ACSM3: variants seen among roughly 807,000 people sequenced by gnomAD.
ACSM3 encodes the protein acyl-coenzyme A synthetase ACSM3, mitochondrial.
Under a neutral mutation model 74.1 loss-of-function variants are expected in ACSM3, and 61 were observed. That is an observed-to-expected ratio of 0.82 (90% CI 0.67 to 1.02). ACSM3 has a LOEUF of 1.02. Among genes scored for constraint, ACSM3 ranks in the 50% least tolerant of loss-of-function variants. ACSM3 has a pLI of 0.00. For synonymous variants in ACSM3, 213 were observed against 241.5 expected, an observed-to-expected ratio of 0.88 and a Z score of 1.09; for missense variants, 660 against 697.0, an observed-to-expected ratio of 0.95 and a Z score of 0.60.
chr16:20,716,958 AC>A (rs1317511275), intron 1 of ACSM3, among the ~76,000 whole-genome samples: 1 of 152,218 alleles, frequency 6.6e-6, no homozygotes, highest in Non-Finnish European at 1.5e-5. Flanking sequence ...GGATTTAGTA[AC>A]CCAAATACAA....
At chr16:20,721,790 T>C (rs1039686565) in intron 1 of ACSM3, 1 of 152,184 alleles carries the variant, frequency 6.6e-6, no homozygotes, top group African/African-American at 2.4e-5. Context: ...GGTTGCTGCA[T>C]TAGTATCAGC....
At chr16:20,752,204 T>G (rs77228790) in intron 2 of ACSM3, among the ~76,000 whole-genome samples, 6 of 151,236 alleles carry the variant, frequency 4.0e-5, no homozygotes, top group Admixed American at 2.6e-4. Flanking sequence ...AAAAAAAAAG[T>G]GGTCATTCTC....
At chr16:20,699,416 C>T (rs1180885838) in intron 1 of ACSM3, among the ~76,000 whole-genome samples, 2 of 152,142 alleles carry the variant, frequency 1.3e-5, no homozygotes. Context: ...CCAGGACATT[C>T]CTGACAGGAC....
At chr16:20,741,030 A>G (rs2079914517) in intron 1 of ACSM3, among the ~76,000 whole-genome samples, 1 of 152,116 alleles carries the variant, frequency 6.6e-6, no homozygotes, top group Non-Finnish European at 1.5e-5. Context: ...CTTGAGAGGC[A>G]GAGACGGGAG....
At chr16:20,766,435 T>C (rs2080126504) in intron 1 of ACSM3, among the ~76,000 whole-genome samples, 1 of 152,086 alleles carries the variant, frequency 6.6e-6, no homozygotes, top group South Asian at 2.1e-4. Context: ...CGTGTTTGTG[T>C]ATATTTCCTT....
At chr16:20,722,761 T>C (rs908528301) in intron 1 of ACSM3, among the ~76,000 whole-genome samples, 4 of 152,204 alleles carry the variant, frequency 2.6e-5, no homozygotes, top group Admixed American at 2.6e-4. Context: ...TGTTCTCAAA[T>C]TCACTTGCTG....
At chr16:20,755,335 G>C (rs1019196350) in intron 2 of ACSM3, among the ~76,000 whole-genome samples, 1 of 152,180 alleles carries the variant, frequency 6.6e-6, no homozygotes, top group Non-Finnish European at 1.5e-5. Flanking sequence ...TGCTAACACT[G>C]AGATGACAGA....
chr16:20,743,294 A>G (rs2152426113), intron 1 of ACSM3, among the ~76,000 whole-genome samples: 1 of 152,162 alleles, frequency 6.6e-6, no homozygotes, highest in African/African-American at 2.4e-5. Flanking sequence ...GTTACTCAAA[A>G]GGCTTCCAGT....
At chr16:20,690,628 A>G (rs1169070098) in intron 1 of ACSM3, among the ~76,000 whole-genome samples, 6 of 152,202 alleles carry the variant, frequency 3.9e-5, no homozygotes, top group African/African-American at 1.2e-4. Context: ...TGACATGAAT[A>G]CCAGTTAAGA....
chr16:20,759,994 G>C (rs956710779), upstream of ACSM3, among the ~76,000 whole-genome samples: 1 of 152,128 alleles, frequency 6.6e-6, no homozygotes, highest in Admixed American at 6.6e-5. Flanking sequence ...AAGCCAGTAG[G>C]GGCAGCTACA....
At chr16:20,710,007 A>G (rs1008558594) in intron 1 of ACSM3, among the ~76,000 whole-genome samples, 2 of 152,186 alleles carry the variant, frequency 1.3e-5, no homozygotes, top group Non-Finnish European at 2.9e-5. Flanking sequence ...AATACTATAT[A>G]TACACTCCAC....
Position 20,797,331 on chromosome 16 carries a change from T to A in ACSM3, c.*359T>A. ...ATGTTGATATACAAATCAGAACCAATGTTCAAGCCTGAAATAAAACTAAAG... is the reference window on the plus strand; with the variant it reads ...ATGTTGATATACAAATCAGAACCAAAGTTCAAGCCTGAAATAAAACTAAAG... On this transcript the variant is annotated 3_prime_UTR_variant, in exon 14 of 14. Coordinates refer to ENST00000289416, the MANE Select transcript of ACSM3 (RefSeq NM_005622.4). 9.9e-7 allele frequency: 1 copy of A among 1,008,376 alleles called. No individual in the cohort carries two copies. Among genetic ancestry groups the A allele is most frequent in the Non-Finnish European group, 1.2e-6 (1 of 845,532 alleles). The allele number at this position is 1,008,376 out of a possible 1,614,324, so 62.5% of individuals were successfully genotyped here. A position where few individuals can be genotyped will look rare whatever the true frequency, so the allele number is the denominator to read the frequency against.
intron 4 of ACSM3, among the ~76,000 whole-genome samples, chr16:20,778,769 T>C (rs1030344332): frequency 5.3e-5 from 8 of 151,916 alleles, no homozygotes; most frequent in African/African-American, 1.9e-4. Flanking sequence ...TTTTTTTTTT[T>C]AGACGGAGTC....
intron 1 of ACSM3, among the ~76,000 whole-genome samples, chr16:20,712,369 C>T (rs1033836985): frequency 6.6e-6 from 1 of 152,130 alleles, no homozygotes; most frequent in Non-Finnish European, 1.5e-5. Flanking sequence ...ATTGATCTTC[C>T]TATCCTCAGT....
intron 4 of ACSM3, 176 bp from the exon 5 acceptor site, chr16:20,780,538 A>G: frequency 7.5e-7 from 1 of 1,329,150 alleles, no homozygotes; most frequent in Non-Finnish European, 1.0e-6. Context: ...TTGATTCTAG[A>G]AAGCACCTAA....
intron 9 of ACSM3, chr16:20,789,423 C>A: frequency 7.8e-7 from 1 of 1,286,678 alleles, no homozygotes; most frequent in Non-Finnish European, 1.1e-6. Flanking sequence ...GTAGACACTT[C>A]AGGGAATGAT....
chr16:20,742,940 AT>A (rs1218181518), intron 1 of ACSM3, among the ~76,000 whole-genome samples: 6,891 of 121,598 alleles, frequency 0.057, 405 homozygotes, highest in African/African-American at 0.19. Context: ...ATGTTTGTCT[AT>A]TTTTTTTTTT....
At chr16:20,707,731 G>C (rs2079731956) in intron 1 of ACSM3, among the ~76,000 whole-genome samples, 1 of 152,176 alleles carries the variant, frequency 6.6e-6, no homozygotes, top group African/African-American at 2.4e-5. Context: ...GAACTGTTAA[G>C]GGAACTTAAC....
Position 20,790,745 on chromosome 16 carries a change from A to C in ACSM3, c.1326+57A>C. 1 of 1,613,702 alleles carries C rather than the reference A, an allele frequency of 6.2e-7. No individual in the cohort carries two copies. Among genetic ancestry groups the C allele is most frequent in the Non-Finnish European group, 8.5e-7 (1 of 1,179,660 alleles). ...ATTTATTTCTCAAGTGCTTGGTAAC[A>C]ATCCCTGTTTGCCACAAAACATACC... On this transcript the variant is annotated intron_variant, in intron 10 of 13. Transcript: ENST00000289416. This position sits in a 1 kb window ranked among gnomAD's most constrained non-coding sequence, Gnocchi z 4.0.
Sources: allele counts gnomAD v4.1 joint callset (sites outside exome capture counted in the v4.1 genomes callset), GRCh38; gene constraint gnomAD v4.1.1; non-coding constraint Gnocchi (gnomAD v3.1); transcripts MANE v1.5; gene names NCBI Gene and HGNC (gene_info 2026-07-23, HGNC 2026-07-21).